MFSD2B: variants seen among roughly 807,000 people sequenced by gnomAD.
MFSD2B encodes sphingosine-1-phosphate transporter MFSD2B.
A neutral mutation model predicts 58.4 loss-of-function variants in MFSD2B; 56 were observed. The observed-to-expected ratio is 0.96, with a 90% CI of 0.77 to 1.20. The LOEUF (loss-of-function observed/expected upper bound fraction) is 1.20. MFSD2B is among the 50% of genes most tolerant of loss of function. MFSD2B has a pLI of 0.00. For missense variants in MFSD2B, 645 were observed against 667.6 expected (o/e 0.97, Z 0.37); for synonymous variants, 287 against 294.4 (o/e 0.97, Z 0.26).
chr2:24,010,617 G>A (rs1340556089), intron 1 of MFSD2B, among the ~76,000 whole-genome samples: 1 of 152,192 alleles, frequency 6.6e-6, no homozygotes, highest in Non-Finnish European at 1.5e-5. Context: ...CCAGGCACCA[G>A]GCTCCCCTTG....
In MFSD2B at chr2:24,021,672, G is replaced by A. The variant is rs1662791601; in HGVS notation, c.706G>A (p.Ala236Thr). The A allele has an allele frequency of 1.9e-6, 3 of 1,613,434 alleles. No homozygotes were observed. Among genetic ancestry groups the A allele is most frequent in the Non-Finnish European group, 2.5e-6 (3 of 1,179,686 alleles). ...NAAHLYCIAA[A>T]VVVVTYPVCI... The stretch of plus-strand genomic sequence containing the variant: ...GGCCCATCTCTACTGCATTGCGGCT[G>A]CCGTGGTTGTAGTGACTTACCCCGT... Residue 236 changes from alanine to threonine, a missense_variant, in exon 7 of 14, where the codon GCC becomes ACC. Coordinates refer to ENST00000338315, the MANE Select transcript of MFSD2B (RefSeq NM_001346880.2). This position sits in a 1 kb window ranked among gnomAD's most constrained non-coding sequence, Gnocchi z 5.7.
Position 24,022,572 on chromosome 2 carries a change from A to G in MFSD2B, c.978+56A>G. Reference sequence around the variant, plus strand: ...TCACTTGGGGCCCTGAGCTGGGGACATGTGTGGTCCTTGATGTGACACATA... The same window carrying G: ...TCACTTGGGGCCCTGAGCTGGGGACGTGTGTGGTCCTTGATGTGACACATA... On this transcript the variant is annotated intron_variant, in intron 9 of 13. Transcript: ENST00000338315. The surrounding 1 kb of genome is among the most constrained non-coding windows in gnomAD (Gnocchi z 4.5). 1.4e-6 allele frequency: 2 copies of G among 1,404,862 alleles called. No homozygotes were observed. The highest frequency in any genetic ancestry group is 9.9e-7 in the Non-Finnish European group (1 of 1,014,680). The allele number at this position is 1,404,862 out of a possible 1,614,324, so 87.0% of individuals were successfully genotyped here. A position where few individuals can be genotyped will look rare whatever the true frequency, so the allele number is the denominator to read the frequency against.
Position 24,016,904 on chromosome 2 carries a change from C to A in MFSD2B, c.407C>A (p.Pro136His), listed in dbSNP as rs571756001. Residue 136 changes from proline to histidine, a missense_variant, in exon 4 of 14, where the codon CCC becomes CAC. By Grantham distance (77) the Pro-to-His change is moderately conservative. Coordinates refer to ENST00000338315, the MANE Select transcript of MFSD2B (RefSeq NM_001346880.2). ...TACTTCTTCCTGTGGTTCCTGCCCC[C>A]CTTCACCAGCCTGCGAGGCCTCTGG... ...LAYFFLWFLP[P>H]FTSLRGLWYT... 12 of 1,613,928 alleles carry A rather than the reference C, an allele frequency of 7.4e-6. No homozygotes were observed. The South Asian group carries it at 1.1e-4, about 15-fold the overall frequency.
chr2:24,017,047 G>A lies in MFSD2B; in HGVS notation c.471+79G>A, dbSNP rs1558322196. ...TGGCCACTCTGAAGTGTGCTGTGGG[G>A]GCAGGGCTGCCGCCCTCCCCACCCG... On this transcript the variant is annotated intron_variant, in intron 4 of 13. Transcript: ENST00000338315. The surrounding 1 kb of genome is among the most constrained non-coding windows in gnomAD (Gnocchi z 4.8). 1 of 1,569,618 alleles carries A rather than the reference G, an allele frequency of 6.4e-7. No individual in the cohort carries two copies. Among genetic ancestry groups the A allele is most frequent in the Non-Finnish European group, 8.6e-7 (1 of 1,160,134 alleles).
Position 24,013,290 on chromosome 2 carries a change from C to T in MFSD2B, c.102C>T (p.Ser34=). The change falls in exon 2 of 14, where the codon AGC becomes AGT. Residue 34 remains serine (S), a synonymous_variant. Coordinates refer to ENST00000338315, the MANE Select transcript of MFSD2B (RefSeq NM_001346880.2). ...AGTTCCTGTGTCTCCTCCAGGACAG[C>T]AGAGCCGGTCGCCTCTCATTCTGTA... The part of the protein sequence containing the change: ...PGSAKRGRED[S]RAGRLSFCTK... The T allele has an allele frequency of 1.2e-6, 2 of 1,601,802 alleles. No individual in the cohort carries two copies. Among genetic ancestry groups the T allele is most frequent in the Non-Finnish European group, 1.7e-6 (2 of 1,171,514 alleles).
chr2:24,023,791 C>A lies in MFSD2B; in HGVS notation c.1313+65C>A. On this transcript the variant is annotated intron_variant, in intron 12 of 13. Transcript: ENST00000338315. This position sits in a 1 kb window ranked among gnomAD's most constrained non-coding sequence, Gnocchi z 5.0. ...CCAGTGGGCAGGAAGAGGGCAAAGC[C>A]CCTCACCTACCAAGCTCAGGGCATC... 1 of 1,573,702 alleles carries A rather than the reference C, an allele frequency of 6.4e-7. No individual in the cohort carries two copies. Among genetic ancestry groups the A allele is most frequent in the Non-Finnish European group, 8.7e-7 (1 of 1,153,316 alleles).
In MFSD2B at chr2:24,022,657, C is replaced by G; in HGVS notation, c.978+141C>G. 2.3e-6 allele frequency: 2 copies of G among 865,800 alleles called. No individual in the cohort carries two copies. Among genetic ancestry groups the G allele is most frequent in the Non-Finnish European group, 3.5e-6 (2 of 563,408 alleles). The allele number at this position is 865,800 out of a possible 1,614,324, so 53.6% of individuals were successfully genotyped here. On this transcript the variant is annotated intron_variant, in intron 9 of 13. Coordinates refer to ENST00000338315, the MANE Select transcript of MFSD2B (RefSeq NM_001346880.2). The surrounding 1 kb of genome is among the most constrained non-coding windows in gnomAD (Gnocchi z 4.5). ...TGCTTTGGTCTTGGTCACCTGCATTCCAGCAGAGGGTAGAATTGGGGCCAG... is the reference window on the plus strand; with the variant it reads ...TGCTTTGGTCTTGGTCACCTGCATTGCAGCAGAGGGTAGAATTGGGGCCAG...
chr2:24,017,368 A>T lies in MFSD2B; in HGVS notation c.550+4A>T, dbSNP rs760235907. The T allele has an allele frequency of 6.9e-6, 11 of 1,603,574 alleles. No individual in the cohort carries two copies. The South Asian group carries it at 1.2e-4, about 18-fold the overall frequency. ...CGGGACTCGGCCACCGCCTACCGTG[A>T]GTGCAGCCGTGGGTTTCGGGTTCCA... On this transcript the variant is annotated splice_donor_region_variant and intron_variant, in intron 5 of 13. Coordinates refer to ENST00000338315, the MANE Select transcript of MFSD2B (RefSeq NM_001346880.2). The surrounding 1 kb of genome is among the most constrained non-coding windows in gnomAD (Gnocchi z 4.8).
In MFSD2B at chr2:24,017,731, C is replaced by T. The variant is rs1709212502; in HGVS notation, c.681+143C>T. Reference sequence around the variant, plus strand: ...GTGCCCCCTCATTCCTTCCCTGCTCCTCCAGTTGAGCAGATGGCCCCCAAA... The same window carrying T: ...GTGCCCCCTCATTCCTTCCCTGCTCTTCCAGTTGAGCAGATGGCCCCCAAA... On this transcript the variant is annotated intron_variant, in intron 6 of 13. Transcript: ENST00000338315. The surrounding 1 kb of genome is among the most constrained non-coding windows in gnomAD (Gnocchi z 4.8). 1 of 906,454 alleles carries T rather than the reference C, an allele frequency of 1.1e-6. No homozygotes were observed. Among genetic ancestry groups the T allele is most frequent in the Non-Finnish European group, 1.6e-6 (1 of 612,938 alleles). The allele number at this position is 906,454 out of a possible 1,614,324, so 56.2% of individuals were successfully genotyped here.
chr2:24,013,085 T>C (rs575615073), intron 1 of MFSD2B, 200 bp from the exon 2 acceptor site: 89 of 425,226 alleles, frequency 2.1e-4, no homozygotes, highest in African/African-American at 1.5e-3. Context: ...CCTGGAAATG[T>C]TTAGAGGTCA....
In MFSD2B at chr2:24,012,518, A is replaced by G. The variant is rs1309440444; in HGVS notation, c.97-767A>G. 6.6e-6 allele frequency among the ~76,000 whole-genome samples: 1 copy of G among 152,194 alleles called. No individual in the cohort carries two copies. Among genetic ancestry groups the G allele is most frequent in the African/African-American group, 2.4e-5 (1 of 41,442 alleles). On this transcript the variant is annotated intron_variant, in intron 1 of 13. Transcript: ENST00000338315. This position sits in a 1 kb window ranked among gnomAD's most constrained non-coding sequence, Gnocchi z 4.5. ...CTCGGCCTCCCAAAGTGCTGGGTTT[A>G]TAGGGATGAGCCACTGTGCGATTTA...
At chr2:24,019,684 T>C (rs1363301345) in intron 6 of MFSD2B, among the ~76,000 whole-genome samples, 1 of 152,100 alleles carries the variant, frequency 6.6e-6, no homozygotes, top group African/African-American at 2.4e-5. Context: ...GATCACGCCA[T>C]TGCACTCCAG....
In MFSD2B at chr2:24,021,601, C is replaced by A; in HGVS notation, c.682-47C>A. The A allele has an allele frequency of 6.5e-7, 1 of 1,548,266 alleles. No individual in the cohort carries two copies. On this transcript the variant is annotated intron_variant, in intron 6 of 13. Transcript: ENST00000338315. This position sits in a 1 kb window ranked among gnomAD's most constrained non-coding sequence, Gnocchi z 5.7. ...CCCTGCCCCTCCGGTGTCACCACCT[C>A]CAGGGGTTGAAGACATCACCCATCC...
At position 24,017,260 on chromosome 2, in the gene MFSD2B, G is replaced by A. The variant is rs367866684; in HGVS notation, c.472-26G>A. The A allele has an allele frequency of 2.6e-4, 409 of 1,570,684 alleles. No homozygotes were observed. The highest frequency in any genetic ancestry group is 3.2e-4 in the Non-Finnish European group (374 of 1,158,718). ...GCTGTCACCAGGCAAAGCTGGGGGCGGTTCTAAGCTCTGCCGACGCCCCAG... is the reference window on the plus strand; with the variant it reads ...GCTGTCACCAGGCAAAGCTGGGGGCAGTTCTAAGCTCTGCCGACGCCCCAG... On this transcript the variant is annotated intron_variant, in intron 4 of 13. Transcript: ENST00000338315. This position sits in a 1 kb window ranked among gnomAD's most constrained non-coding sequence, Gnocchi z 4.8.
rs754700806 is a variant in MFSD2B, at chr2:24,016,923, C to T, written c.426C>T (p.Gly142=). 6.2e-7 allele frequency: 1 copy of T among 1,613,952 alleles called. No homozygotes were observed. Among genetic ancestry groups the T allele is most frequent in the Admixed American group, 1.7e-5 (1 of 60,032 alleles). Residue 142 remains glycine (G), a synonymous_variant, in exon 4 of 14, where the codon GGC becomes GGT. Transcript: ENST00000338315. ...TGCCCCCCTTCACCAGCCTGCGAGG[C>T]CTCTGGTACACGACTTTCTACTGCC... ...WFLPPFTSLR[G]LWYTTFYCLF... is the part of the protein sequence containing the mutation.
intron 1 of MFSD2B, 32 bp downstream of exon 1, chr2:24,010,224 T>C: frequency 7.4e-7 from 1 of 1,344,262 alleles, no homozygotes; most frequent in Non-Finnish European, 9.5e-7. Context: ...GGGAAGGGGC[T>C]GCGTCCTCGG....
Position 24,017,279 on chromosome 2 carries a change from G to A in MFSD2B, c.472-7G>A, listed in dbSNP as rs913391354. On this transcript the variant is annotated splice_region_variant and splice_polypyrimidine_tract_variant and intron_variant, in intron 4 of 13. Transcript: ENST00000338315. The surrounding 1 kb of genome is among the most constrained non-coding windows in gnomAD (Gnocchi z 4.8). ...GGGGGCGGTTCTAAGCTCTGCCGAC[G>A]CCCCAGTTCTTCCAGGTGCCCTACA... 1.0e-5 allele frequency: 16 copies of A among 1,592,598 alleles called. No homozygotes were observed. The highest frequency in any genetic ancestry group is 4.0e-5 in the African/African-American group (3 of 74,236).
At chr2:24,016,992 C>T (rs1709171882) in intron 4 of MFSD2B, 24 bp downstream of exon 4, 2 of 1,612,616 alleles carry the variant, frequency 1.2e-6, no homozygotes, top group Non-Finnish European at 1.7e-6. Context: ...CTTCCTGGGC[C>T]TGTGCTCTGG....
In MFSD2B at chr2:24,022,379, C is replaced by T. The variant is rs1232669474; in HGVS notation, c.895-54C>T. ...CTCCAGACCCTGTCCTTGCCCTTGA[C>T]TTCTGAGCTCCTGCCATGCCCTGCA... is the stretch of plus-strand genomic sequence containing the variant. On this transcript the variant is annotated intron_variant, in intron 8 of 13. Coordinates refer to ENST00000338315, the MANE Select transcript of MFSD2B (RefSeq NM_001346880.2). The surrounding 1 kb of genome is among the most constrained non-coding windows in gnomAD (Gnocchi z 4.5). 1 of 1,461,518 alleles carries T rather than the reference C, an allele frequency of 6.8e-7. No homozygotes were observed. The allele number at this position is 1,461,518 out of a possible 1,614,324, so 90.5% of individuals were successfully genotyped here. A position where few individuals can be genotyped will look rare whatever the true frequency, so the allele number is the denominator to read the frequency against.
Sources: allele counts gnomAD v4.1 joint callset (sites outside exome capture counted in the v4.1 genomes callset), GRCh38; gene constraint gnomAD v4.1.1; non-coding constraint Gnocchi (gnomAD v3.1); transcripts MANE v1.5; gene names NCBI Gene and HGNC (gene_info 2026-07-23, HGNC 2026-07-21).